Variants in IPCEF1 observed in about 807,000 individuals in gnomAD.
IPCEF1 encodes the protein interaction protein for cytohesin exchange factors 1, also known as interactor protein for cytohesin exchange factors 1.
IPCEF1 carries 31 observed loss-of-function variants against 50.9 expected under a neutral mutation model. The observed-to-expected ratio is 0.61, with a 90% CI of 0.46 to 0.82. The LOEUF (loss-of-function observed/expected upper bound fraction) is 0.82, where lower values mean the gene tolerates loss of function less well. IPCEF1 is among the 40% of genes least tolerant of loss of function. The pLI is 0.00. For synonymous variants in IPCEF1, 181 were observed against 192.0 expected (o/e 0.94, Z 0.47); for missense variants, 458 against 514.0 (o/e 0.89, Z 1.05).
chr6:154,295,925 A>G (rs868753178), intron 1 of IPCEF1, among the ~76,000 whole-genome samples: 1 of 145,786 alleles, frequency 6.9e-6, no homozygotes, highest in South Asian at 2.2e-4. Flanking sequence ...ACACACACAC[A>G]CACACACACA....
chr6:154,275,712 A>C (rs1782037821), intron 2 of IPCEF1, among the ~76,000 whole-genome samples: 1 of 151,962 alleles, frequency 6.6e-6, no homozygotes, highest in Non-Finnish European at 1.5e-5. Flanking sequence ...TGCCCTTTAC[A>C]CCAAAGTGAG....
At chr6:154,227,771 A>G (rs2128622630) in intron 5 of IPCEF1, among the ~76,000 whole-genome samples, 1 of 152,308 alleles carries the variant, frequency 6.6e-6, no homozygotes, top group South Asian at 2.1e-4. Flanking sequence ...TAAATGGTAA[A>G]TCTTCATTTG....
chr6:154,299,693 G>A (rs1000290571), intron 1 of IPCEF1, among the ~76,000 whole-genome samples: 4 of 140,282 alleles, frequency 2.9e-5, no homozygotes, highest in Non-Finnish European at 3.2e-5. Flanking sequence ...GCAAACCACC[G>A]TGGCACACAT....
At chr6:154,339,575 TTTTGTTTGTTTG>T (rs71268488) in intron 1 of IPCEF1, among the ~76,000 whole-genome samples, 21 of 149,644 alleles carry the variant, frequency 1.4e-4, no homozygotes, top group African/African-American at 4.4e-4. Context: ...GCCTGGCGTT[TTTTGTTTGTTTG>T]TTTGTTTGTT....
chr6:154,270,101 C>T (rs2128657528), intron 2 of IPCEF1, among the ~76,000 whole-genome samples: 1 of 152,102 alleles, frequency 6.6e-6, no homozygotes, highest in South Asian at 2.1e-4. Context: ...GAAATAATGA[C>T]TATTTGATAT....
chr6:154,252,074 A>C (rs1583907947), intron 3 of IPCEF1, among the ~76,000 whole-genome samples: 2 of 152,350 alleles, frequency 1.3e-5, no homozygotes, highest in Middle Eastern at 6.8e-3. Context: ...AAGGGATTAG[A>C]TATTGGGAGG....
At chr6:154,297,421 T>G (rs1031560830) in intron 1 of IPCEF1, among the ~76,000 whole-genome samples, 2 of 152,122 alleles carry the variant, frequency 1.3e-5, no homozygotes, top group African/African-American at 4.8e-5. Flanking sequence ...TGAGCATATT[T>G]TAAACCCCAG....
At chr6:154,348,568 G>A (rs1028311563) in intron 1 of IPCEF1, among the ~76,000 whole-genome samples, 4 of 152,224 alleles carry the variant, frequency 2.6e-5, no homozygotes, top group African/African-American at 9.6e-5. Context: ...ATATTCGTAA[G>A]TGGGTCCTTA....
chr6:154,316,739 A>G (rs770818264), intron 1 of IPCEF1, among the ~76,000 whole-genome samples: 13 of 152,226 alleles, frequency 8.5e-5, no homozygotes, highest in Non-Finnish European at 1.3e-4. Flanking sequence ...TATTCCTGAA[A>G]ATCACTAAAA....
chr6:154,224,526 G>A (rs549475286), intron 5 of IPCEF1, among the ~76,000 whole-genome samples: 8 of 152,178 alleles, frequency 5.3e-5, no homozygotes, highest in South Asian at 2.1e-4. Flanking sequence ...CAGCCAACAC[G>A]GTGAAACCCC....
intron 3 of IPCEF1, among the ~76,000 whole-genome samples, chr6:154,265,591 A>C (rs1239769737): frequency 6.6e-6 from 1 of 152,080 alleles, no homozygotes; most frequent in Admixed American, 6.6e-5. Flanking sequence ...ATTTCAGTGA[A>C]ATTATTAACA....
At chr6:154,331,385 A>AAGAG (rs1783659874) in intron 1 of IPCEF1, among the ~76,000 whole-genome samples, 1 of 136,190 alleles carries the variant, frequency 7.3e-6, no homozygotes. Context: ...GAAAGAAAGA[A>AAGAG]AGAAAGAAAG....
intron 10 of IPCEF1, 107 bp downstream of exon 10, chr6:154,199,561 A>C: frequency 7.7e-7 from 1 of 1,290,596 alleles, no homozygotes; most frequent in South Asian, 1.5e-5. Flanking sequence ...CTAATTATTG[A>C]ATCATCATTC....
At chr6:154,313,998 T>C (rs1783151244) in intron 1 of IPCEF1, among the ~76,000 whole-genome samples, 1 of 152,264 alleles carries the variant, frequency 6.6e-6, no homozygotes, top group South Asian at 2.1e-4. Context: ...TCTTCCCATC[T>C]TGGCCCCCCA....
chr6:154,332,281 G>C (rs1472214718), intron 1 of IPCEF1, among the ~76,000 whole-genome samples: 1 of 122,178 alleles, frequency 8.2e-6, no homozygotes, highest in Non-Finnish European at 1.6e-5. Flanking sequence ...TTTTTTGTGT[G>C]TGAGTGGTTT....
rs562610963 is a variant in IPCEF1, at chr6:154,285,667, C to T, written c.-18+4046G>A. Reference sequence around the variant, plus strand: ...TTCTTGTTCACATTGTTATATTTTGCACACATATGCACAAAAATTATGAGC... The same window carrying T: ...TTCTTGTTCACATTGTTATATTTTGTACACATATGCACAAAAATTATGAGC... On this transcript the variant is annotated intron_variant, in intron 2 of 11. Transcript: ENST00000367220. Among the ~76,000 whole-genome samples, 6 of 152,150 alleles carry T rather than the reference C, an allele frequency of 3.9e-5. 1 individual carries two copies. The highest frequency in any genetic ancestry group is 1.4e-4 in the African/African-American group (6 of 41,516).
intron 1 of IPCEF1, among the ~76,000 whole-genome samples, chr6:154,351,941 A>G (rs1016202413): frequency 6.6e-6 from 1 of 152,226 alleles, no homozygotes; most frequent in East Asian, 1.9e-4. Context: ...ATGAGAACAC[A>G]TGGACATAGG....
chr6:154,330,333 T>C (rs1271952303), intron 1 of IPCEF1, among the ~76,000 whole-genome samples: 2 of 139,232 alleles, frequency 1.4e-5, no homozygotes, highest in Non-Finnish European at 3.1e-5. Flanking sequence ...CTCTTTTTTT[T>C]TTTTTTTTTT....
chr6:154,238,649 A>G (rs1251081440), intron 5 of IPCEF1, among the ~76,000 whole-genome samples: 1 of 151,632 alleles, frequency 6.6e-6, no homozygotes, highest in East Asian at 1.9e-4. Context: ...GCTTACTTCT[A>G]TTTTCAAATT....
Sources: gnomAD v4.1 joint callset for allele counts (sites outside exome capture counted in the v4.1 genomes callset) on GRCh38, gnomAD v4.1.1 for gene constraint, MANE v1.5 for transcripts, NCBI Gene and HGNC (gene_info 2026-07-23, HGNC 2026-07-21) for gene names.